Variants in CDKN2B-AS1 observed in about 807,000 individuals in gnomAD.
CDKN2B-AS1 encodes the protein CDKN2B and CDKN2A antisense cis and trans regulatory RNA 1.
chr9:22,085,676 G>A (rs569709143), intron 4 of CDKN2B-AS1, among the ~76,000 whole-genome samples: 57 of 150,136 alleles, frequency 3.8e-4, no homozygotes, highest in African/African-American at 1.3e-3. Flanking sequence ...AGCCGAGATC[G>A]TGCCACTGCA....
At chr9:22,107,639 C>T (rs1037109614) in intron 4 of CDKN2B-AS1, among the ~76,000 whole-genome samples, 1 of 152,200 alleles carries the variant, frequency 6.6e-6, no homozygotes, top group South Asian at 2.1e-4. Flanking sequence ...CCTAAAGCTG[C>T]TTTCTCCTGT....
intron 4 of CDKN2B-AS1, among the ~76,000 whole-genome samples, chr9:22,121,759 G>T (rs1826108768): frequency 6.6e-6 from 1 of 152,042 alleles, no homozygotes; most frequent in Non-Finnish European, 1.5e-5. Flanking sequence ...GTATTTCATT[G>T]TGTATATATA....
intron 1 of CDKN2B-AS1, chr9:22,032,658 C>G (rs1822524650): frequency 6.6e-6 from 1 of 151,922 alleles, no homozygotes; most frequent in Non-Finnish European, 1.5e-5. Flanking sequence ...TTCTCTCTCT[C>G]TCTTTTCTTC....
intron 4 of CDKN2B-AS1, among the ~76,000 whole-genome samples, chr9:22,125,856 AAAAAT>A (rs1468269325): frequency 6.6e-6 from 1 of 152,256 alleles, no homozygotes; most frequent in Non-Finnish European, 1.5e-5. Context: ...TAACAACTGA[AAAAAT>A]AAAATAGTTG....
Position 21,997,105 on chromosome 9 carries a change from TACAA to T in CDKN2B-AS1, n.29+1947_29+1950del, listed in dbSNP as rs1371962496. Among the ~76,000 whole-genome samples, 1 of 152,202 alleles carries T rather than the reference TACAA, an allele frequency of 6.6e-6. No individual in the cohort carries two copies. Among genetic ancestry groups the T allele is most frequent in the African/African-American group, 2.4e-5 (1 of 41,446 alleles). On this transcript the variant is annotated intron_variant and non_coding_transcript_variant, in intron 1 of 4. Coordinates refer to ENST00000650946, the Ensembl canonical transcript of CDKN2B-AS1. The surrounding 1 kb of genome is among the most constrained non-coding windows in gnomAD (Gnocchi z 4.8). ...ATTTCATTGTTGTGCAAACATCATATACAAACCTAGGTGGTATAGTCTATTATAC... is the reference window on the plus strand; with the variant it reads ...ATTTCATTGTTGTGCAAACATCATATACCTAGGTGGTATAGTCTATTATAC...
intron 4 of CDKN2B-AS1, among the ~76,000 whole-genome samples, chr9:22,110,149 A>T (rs1035390151): frequency 6.6e-6 from 1 of 152,154 alleles, no homozygotes; most frequent in African/African-American, 2.4e-5. Context: ...TAGATACTTA[A>T]TCCACTATTA....
intron 4 of CDKN2B-AS1, among the ~76,000 whole-genome samples, chr9:22,107,156 G>A (rs1253300412): frequency 6.6e-6 from 1 of 152,186 alleles, no homozygotes; most frequent in Non-Finnish European, 1.5e-5. Context: ...TAATTCAGTT[G>A]AGAAATACTG....
chr9:22,088,506 G>T (rs1400063712), intron 4 of CDKN2B-AS1, among the ~76,000 whole-genome samples: 2 of 151,934 alleles, frequency 1.3e-5, no homozygotes, highest in African/African-American at 4.8e-5. Flanking sequence ...CAGGCCCTAG[G>T]CTAAGAACCA....
chr9:22,108,002 C>A (rs999300581), intron 4 of CDKN2B-AS1, among the ~76,000 whole-genome samples: 2 of 152,162 alleles, frequency 1.3e-5, no homozygotes, highest in Admixed American at 1.3e-4. Flanking sequence ...AACATACAAC[C>A]CCAAATCCTA....
At chr9:22,035,953 T>C (rs1822669341) in intron 1 of CDKN2B-AS1, among the ~76,000 whole-genome samples, 1 of 152,134 alleles carries the variant, frequency 6.6e-6, no homozygotes, top group African/African-American at 2.4e-5. Context: ...GCCTGAGGTG[T>C]TGGCTTAGCC....
chr9:21,997,480 G>GGAGA lies in CDKN2B-AS1; in HGVS notation n.29+2340_29+2343dup, dbSNP rs34297943. Among the ~76,000 whole-genome samples the GGAGA allele has an allele frequency of 1.0e-3, 151 of 146,118 alleles. No homozygotes were observed. Among genetic ancestry groups the GGAGA allele is most frequent in the Middle Eastern group, 3.4e-3 (1 of 290 alleles). On this transcript the variant is annotated intron_variant and non_coding_transcript_variant, in intron 1 of 4. Transcript: ENST00000650946. This position sits in a 1 kb window ranked among gnomAD's most constrained non-coding sequence, Gnocchi z 4.8. ...ATGTGGGGGAGAGAAAGAGAGGGAG[G>GGAGA]GAGAGAGAGAGAGAGAGAGAGAGAA...
At chr9:22,088,931 A>G (rs1157739703) in intron 4 of CDKN2B-AS1, among the ~76,000 whole-genome samples, 3 of 152,224 alleles carry the variant, frequency 2.0e-5, no homozygotes, top group Non-Finnish European at 4.4e-5. Context: ...CTTTGTCTGA[A>G]CTTGAGTGTC....
At chr9:22,122,373 C>T (rs900619873) in intron 4 of CDKN2B-AS1, among the ~76,000 whole-genome samples, 1 of 152,004 alleles carries the variant, frequency 6.6e-6, no homozygotes, top group Non-Finnish European at 1.5e-5. Context: ...TGATTACTTC[C>T]TTTGCTGTAC....
chr9:22,043,305 T>C (rs1822975001), intron 1 of CDKN2B-AS1, among the ~76,000 whole-genome samples: 1 of 152,074 alleles, frequency 6.6e-6, no homozygotes, highest in African/African-American at 2.4e-5. Context: ...CATAGATTTT[T>C]TTCTACGGTA....
chr9:22,121,917 G>C (rs1038184944), intron 4 of CDKN2B-AS1, among the ~76,000 whole-genome samples: 1 of 152,004 alleles, frequency 6.6e-6, no homozygotes, highest in Admixed American at 6.6e-5. Context: ...TGCTAGTAAT[G>C]GGATTGCTCA....
At chr9:22,062,129 G>GT (rs1047568038) in intron 4 of CDKN2B-AS1, 54 of 152,210 alleles carry the variant, frequency 3.5e-4, no homozygotes, top group African/African-American at 1.3e-3. Flanking sequence ...AACTGGGCCA[G>GT]TGTTTGCAGA....
intron 4 of CDKN2B-AS1, among the ~76,000 whole-genome samples, chr9:22,073,422 G>C (rs1824374605): frequency 6.6e-6 from 1 of 152,034 alleles, no homozygotes; most frequent in South Asian, 2.1e-4. Context: ...AAATCCCCTA[G>C]CATTTTCACA....
chr9:22,073,774 T>C (rs373740027), intron 4 of CDKN2B-AS1, among the ~76,000 whole-genome samples: 1 of 152,198 alleles, frequency 6.6e-6, no homozygotes, highest in East Asian at 1.9e-4. Context: ...TTGACTGTTC[T>C]TACTATTTCT....
chr9:22,045,107 A>G (rs1441337279), intron 1 of CDKN2B-AS1, among the ~76,000 whole-genome samples: 1 of 146,910 alleles, frequency 6.8e-6, no homozygotes, highest in Non-Finnish European at 1.5e-5. Flanking sequence ...TCCCTATGCA[A>G]AGGATTTGAT....
Sources: allele counts gnomAD v4.1 joint callset (sites outside exome capture counted in the v4.1 genomes callset), GRCh38; gene constraint gnomAD v4.1.1; non-coding constraint Gnocchi (gnomAD v3.1); transcripts MANE v1.5; gene names NCBI Gene and HGNC (gene_info 2026-07-23, HGNC 2026-07-21).